The following RAPGEF5 variants were observed in gnomAD, a reference collection of about 807,000 sequenced individuals.
The protein encoded by RAPGEF5 is M-Ras-regulated GEF.
In RAPGEF5, 65 loss-of-function variants were observed where a neutral mutation model predicts 125.2. The ratio of observed to expected loss-of-function variants is 0.52; its 90% CI spans 0.43 to 0.64. The LOEUF is 0.64. RAPGEF5 is among the 30% of genes least tolerant of loss of function. The pLI is 0.00. For missense variants in RAPGEF5, 958 were observed against 1,048.1 expected, an observed-to-expected ratio of 0.91 and a Z score of 1.19; for synonymous variants, 391 against 385.9, an observed-to-expected ratio of 1.01 and a Z score of -0.16.
intron 7 of RAPGEF5, among the ~76,000 whole-genome samples, chr7:22,254,489 TC>T (rs1276560954): frequency 6.6e-6 from 1 of 150,490 alleles, no homozygotes; most frequent in East Asian, 2.0e-4. Context: ...ATGCCTGTAA[TC>T]CCAGTTACTT....
At chr7:22,197,893 T>TGGC (rs1554327472) in intron 9 of RAPGEF5, among the ~76,000 whole-genome samples, 17 of 116,356 alleles carry the variant, frequency 1.5e-4, no homozygotes, top group Non-Finnish European at 3.5e-5. Flanking sequence ...TCTTTTTTTT[T>TGGC]GGGGGGGGGT....
rs1197544839 is a variant in RAPGEF5, at chr7:22,357,087, G to A, written c.-27C>T. The A allele has an allele frequency of 4.9e-6, 5 of 1,019,384 alleles. No individual in the cohort carries two copies. The highest frequency in any genetic ancestry group is 8.7e-5 in the East Asian group (1 of 11,484). 63.1% of individuals were successfully genotyped at this position (1,019,384 alleles called of 1,614,324 possible). On this transcript the variant is annotated 5_prime_UTR_variant, in exon 1 of 26. Transcript: ENST00000665637. ...CCCTGACGGCGCTGCGGCGCCGGGGGCTCCTCTCCACCGCGCTCGCCTCCG... is the reference window on the plus strand; with the variant it reads ...CCCTGACGGCGCTGCGGCGCCGGGGACTCCTCTCCACCGCGCTCGCCTCCG...
At chr7:22,281,176 T>A (rs573750569) in intron 6 of RAPGEF5, among the ~76,000 whole-genome samples, 8 of 152,228 alleles carry the variant, frequency 5.3e-5, no homozygotes, top group Non-Finnish European at 8.8e-5. Context: ...GGTCTTCCTA[T>A]TCTTATCCGT....
At chr7:22,273,401 G>A (rs963357143) in intron 6 of RAPGEF5, among the ~76,000 whole-genome samples, 2 of 150,858 alleles carry the variant, frequency 1.3e-5, no homozygotes, top group Middle Eastern at 3.4e-3. Flanking sequence ...TGTATTTTTA[G>A]TAGAGACGGG....
chr7:22,271,320 A>C (rs1782420985), intron 6 of RAPGEF5, among the ~76,000 whole-genome samples: 1 of 152,194 alleles, frequency 6.6e-6, no homozygotes, highest in Non-Finnish European at 1.5e-5. Flanking sequence ...CTATTCAACA[A>C]GTATCTTACT....
At chr7:22,292,138 CA>C (rs1355638232) in intron 5 of RAPGEF5, among the ~76,000 whole-genome samples, 1 of 152,162 alleles carries the variant, frequency 6.6e-6, no homozygotes, top group Non-Finnish European at 1.5e-5. Flanking sequence ...GCAGTATTAA[CA>C]GCATCACAGT....
intron 1 of RAPGEF5, among the ~76,000 whole-genome samples, chr7:22,326,889 T>A (rs1029034316): frequency 2.0e-5 from 3 of 152,174 alleles, no homozygotes; most frequent in Admixed American, 6.5e-5. Flanking sequence ...ACAAAAAAAA[T>A]ATTAAAGAGG....
At chr7:22,351,155 G>C (rs1410500826) in intron 1 of RAPGEF5, among the ~76,000 whole-genome samples, 1 of 152,122 alleles carries the variant, frequency 6.6e-6, no homozygotes, top group African/African-American at 2.4e-5. Context: ...TTGTTTGTTT[G>C]TTTGTTTTTT....
At chr7:22,292,662 T>C (rs139413154) in intron 5 of RAPGEF5, among the ~76,000 whole-genome samples, 16 of 152,268 alleles carry the variant, frequency 1.1e-4, no homozygotes, top group African/African-American at 3.4e-4. Context: ...CCAAACCAGA[T>C]TTATGTGATT....
intron 25 of RAPGEF5, among the ~76,000 whole-genome samples, chr7:22,124,527 T>C (rs1023869246): frequency 2.1e-4 from 32 of 152,196 alleles, no homozygotes; most frequent in African/African-American, 7.2e-4. Context: ...ACTTACTTTG[T>C]TGGGGGACAA....
intron 5 of RAPGEF5, among the ~76,000 whole-genome samples, chr7:22,296,881 A>G (rs756964391): frequency 6.6e-6 from 1 of 152,216 alleles, no homozygotes; most frequent in South Asian, 2.1e-4. Flanking sequence ...CTTCCAGGAC[A>G]TGATCAATTG....
chr7:22,231,430 T>G (rs1786054257), intron 7 of RAPGEF5, among the ~76,000 whole-genome samples: 1 of 152,156 alleles, frequency 6.6e-6, no homozygotes, highest in African/African-American at 2.4e-5. Flanking sequence ...ATCCAAGCCC[T>G]TATCACCCTT....
chr7:22,137,165 C>T (rs1783105764), intron 21 of RAPGEF5, among the ~76,000 whole-genome samples, 182 bp from the exon 22 acceptor site: 1 of 152,206 alleles, frequency 6.6e-6, no homozygotes, highest in Non-Finnish European at 1.5e-5. Flanking sequence ...TTAATGTGAT[C>T]TTCCTTAGGA....
chr7:22,332,901 G>A (rs1403346214), intron 1 of RAPGEF5, among the ~76,000 whole-genome samples: 1 of 152,178 alleles, frequency 6.6e-6, no homozygotes, highest in East Asian at 1.9e-4. Flanking sequence ...ACCTGTGGCT[G>A]TTTTCGTAAA....
intron 5 of RAPGEF5, among the ~76,000 whole-genome samples, chr7:22,307,423 G>A (rs545647315): frequency 1.1e-3 from 173 of 152,194 alleles, no homozygotes; most frequent in African/African-American, 4.0e-3. Context: ...GGTATTATGA[G>A]TGCTCACCTG....
At chr7:22,308,312 C>T (rs1156272614) in intron 5 of RAPGEF5, 27 bp downstream of exon 5, 1 of 1,557,198 alleles carries the variant, frequency 6.4e-7, no homozygotes, top group East Asian at 2.3e-5. Context: ...TGTAAGAATA[C>T]AATGGCACAA....
chr7:22,356,152 G>A (rs899062625), intron 1 of RAPGEF5: 2 of 985,296 alleles, frequency 2.0e-6, no homozygotes, highest in Non-Finnish European at 1.2e-6. Context: ...GTCATTAGAT[G>A]CACTTAGAAC....
chr7:22,137,307 T>C (rs2128102204), intron 21 of RAPGEF5, among the ~76,000 whole-genome samples: 1 of 152,362 alleles, frequency 6.6e-6, no homozygotes, highest in South Asian at 2.1e-4. Context: ...ACAAATGCTC[T>C]CATCTTCTTA....
At chr7:22,167,357 A>C (rs1784203263) in intron 11 of RAPGEF5, among the ~76,000 whole-genome samples, 1 of 152,230 alleles carries the variant, frequency 6.6e-6, no homozygotes, top group Non-Finnish European at 1.5e-5. Context: ...CTCAAGCAAT[A>C]AGATATTTTT....
Sources: gnomAD v4.1 joint callset for allele counts (sites outside exome capture counted in the v4.1 genomes callset) on GRCh38, gnomAD v4.1.1 for gene constraint, MANE v1.5 for transcripts, NCBI Gene and HGNC (gene_info 2026-07-23, HGNC 2026-07-21) for gene names.